The following NFIA variants were observed in gnomAD, a reference collection of about 807,000 sequenced individuals.
NFIA encodes nuclear factor I A.
A neutral mutation model predicts 62.8 loss-of-function variants in NFIA; 8 were observed. That is an observed-to-expected ratio of 0.13 (90% CI 0.07 to 0.23). The LOEUF is 0.23. Ranked by LOEUF, NFIA falls within the 10% of genes least tolerant of loss-of-function variation. The pLI is 1.00. For missense variants in NFIA, 410 were observed against 642.1 expected, an observed-to-expected ratio of 0.64 and a Z score of 3.91; for synonymous variants, 235 against 238.1, an observed-to-expected ratio of 0.99 and a Z score of 0.12.
At chr1:61,287,653 C>T (rs1202186161) in intron 3 of NFIA, among the ~76,000 whole-genome samples, 1 of 151,648 alleles carries the variant, frequency 6.6e-6, no homozygotes, top group Non-Finnish European at 1.5e-5. Flanking sequence ...AAGACTGTCC[C>T]CAACCCCCCC....
At chr1:61,172,273 G>C (rs334722) in intron 2 of NFIA, among the ~76,000 whole-genome samples, 130,509 of 152,210 alleles carry the variant, frequency 0.86, 56,497 homozygotes, top group Non-Finnish European at 0.92. Flanking sequence ...AGAAGCAGAG[G>C]ATGGTATCCC....
At position 61,457,011 on chromosome 1, in the gene NFIA, C is replaced by T. The variant is rs2100597778; in HGVS notation, c.*1691C>T. The T allele has an allele frequency of 6.6e-6, 1 of 152,202 alleles. No individual in the cohort carries two copies. Among genetic ancestry groups the T allele is most frequent in the Non-Finnish European group, 1.5e-5 (1 of 68,032 alleles). 9.4% of individuals were successfully genotyped at this position (152,202 alleles called of 1,614,324 possible). ...TCTCTGCATGTTCTAGTGTTAGTAA[C>T]TAATTTTTATATAGTTAATGTAGGA... On this transcript the variant is annotated 3_prime_UTR_variant, in exon 11 of 11. Coordinates refer to ENST00000403491, the MANE Select transcript of NFIA (RefSeq NM_001134673.4). This position sits in a 1 kb window ranked among gnomAD's most constrained non-coding sequence, Gnocchi z 4.2.
chr1:61,443,713 T>C (rs1039308558), intron 10 of NFIA, among the ~76,000 whole-genome samples: 11 of 152,346 alleles, frequency 7.2e-5, no homozygotes, highest in Non-Finnish European at 1.2e-4. Context: ...CTTGCTGTTA[T>C]AGATAAACTC....
At chr1:61,246,741 A>G (rs1030847972) in intron 2 of NFIA, among the ~76,000 whole-genome samples, 8 of 152,228 alleles carry the variant, frequency 5.3e-5, no homozygotes, top group Admixed American at 2.0e-4. Context: ...AATCAGAAGT[A>G]TAATCATTGT....
intron 2 of NFIA, among the ~76,000 whole-genome samples, chr1:61,228,711 G>A (rs1281294971): frequency 6.6e-6 from 1 of 151,916 alleles, no homozygotes; most frequent in African/African-American, 2.4e-5. Context: ...TGTACATGAA[G>A]GTTTTCGGTG....
chr1:61,305,843 ATT>A (rs754217285), intron 3 of NFIA, among the ~76,000 whole-genome samples: 4 of 123,750 alleles, frequency 3.2e-5, no homozygotes, highest in South Asian at 2.6e-4. Flanking sequence ...TCTTCTTTTG[ATT>A]TTTTTTTTTT....
At chr1:61,294,882 T>G (rs1659105340) in intron 3 of NFIA, among the ~76,000 whole-genome samples, 1 of 152,218 alleles carries the variant, frequency 6.6e-6, no homozygotes, top group African/African-American at 2.4e-5. Context: ...AGCATGTCAT[T>G]CCCAGTCTAT....
intron 4 of NFIA, among the ~76,000 whole-genome samples, chr1:61,350,770 C>T (rs1306928325): frequency 3.3e-5 from 5 of 152,250 alleles, no homozygotes; most frequent in Admixed American, 2.0e-4. Context: ...TTTCTGCTCT[C>T]TTGATGCTGT....
intron 10 of NFIA, among the ~76,000 whole-genome samples, chr1:61,454,828 G>A (rs1175266025): frequency 3.3e-5 from 5 of 152,168 alleles, no homozygotes; most frequent in Non-Finnish European, 5.9e-5. Context: ...CATTTGAAAG[G>A]AGATGTTGAA....
chr1:61,264,503 G>A (rs528842969), intron 2 of NFIA, among the ~76,000 whole-genome samples: 1 of 151,368 alleles, frequency 6.6e-6, no homozygotes, highest in South Asian at 2.1e-4. Context: ...AAAAGAAAAA[G>A]AGCTGGGCAT....
At position 61,104,244 on chromosome 1, in the gene NFIA, G is replaced by A. The variant is rs138058112; in HGVS notation, c.559+15564G>A. Among the ~76,000 whole-genome samples, 13 of 152,198 alleles carry A rather than the reference G, an allele frequency of 8.5e-5. No homozygotes were observed. In the East Asian group the frequency reaches 2.3e-3, roughly 27 times the overall value. On this transcript the variant is annotated intron_variant, in intron 2 of 10. Transcript: ENST00000403491. ...GTTTTGAATCACATAGTGTCTTGCT[G>A]TGCAGGAAAAGGGCCTGTCAGTCAT...
In NFIA at chr1:61,082,585, C is replaced by A. The variant is rs1343499394; in HGVS notation, c.-207C>A. ...CGGGGTTAAAGTTCAGCTCATGGAG[C>A]GGCAATAGCGCTGGCTGGCTGGCTG... On this transcript the variant is annotated 5_prime_UTR_variant, in exon 1 of 11. Transcript: ENST00000403491. 2.7e-6 allele frequency: 4 copies of A among 1,476,836 alleles called. No individual in the cohort carries two copies. Among genetic ancestry groups the A allele is most frequent in the Non-Finnish European group, 2.7e-6 (3 of 1,109,810 alleles). 91.5% of individuals were successfully genotyped at this position (1,476,836 alleles called of 1,614,324 possible). A position where few individuals can be genotyped will look rare whatever the true frequency, so the allele number is the denominator to read the frequency against.
At chr1:61,187,269 C>T (rs1651255687) in intron 2 of NFIA, among the ~76,000 whole-genome samples, 1 of 151,950 alleles carries the variant, frequency 6.6e-6, no homozygotes, top group Admixed American at 6.6e-5. Flanking sequence ...TGTGACCTGC[C>T]CGAGCCCCCC....
chr1:61,391,026 TATTTG>T (rs1426585658), intron 7 of NFIA, among the ~76,000 whole-genome samples: 3 of 150,000 alleles, frequency 2.0e-5, no homozygotes, highest in Non-Finnish European at 3.0e-5. Flanking sequence ...GCTCAGTATA[TATTTG>T]ATTTGTTTGT....
chr1:61,087,821 T>G (rs757112444), intron 1 of NFIA, among the ~76,000 whole-genome samples: 1 of 152,216 alleles, frequency 6.6e-6, no homozygotes, highest in South Asian at 2.1e-4. Flanking sequence ...TACATTGTTA[T>G]AAGCATTTAG....
chr1:61,246,391 G>A (rs1430058061), intron 2 of NFIA, among the ~76,000 whole-genome samples: 2 of 152,074 alleles, frequency 1.3e-5, no homozygotes, highest in African/African-American at 4.8e-5. Flanking sequence ...TAACCTTTAT[G>A]CCGTATACTT....
chr1:61,231,658 A>G (rs961434597), intron 2 of NFIA, among the ~76,000 whole-genome samples: 16 of 152,162 alleles, frequency 1.1e-4, no homozygotes, highest in African/African-American at 3.9e-4. Flanking sequence ...ATAACAGCCA[A>G]TTTAAGATTA....
intron 6 of NFIA, among the ~76,000 whole-genome samples, chr1:61,381,765 G>A (rs180884302): frequency 6.0e-4 from 91 of 152,262 alleles, no homozygotes; most frequent in African/African-American, 1.9e-3. Flanking sequence ...TGGACATAGA[G>A]GGGAACAAAG....
chr1:61,105,819 A>G (rs919091793), intron 2 of NFIA, among the ~76,000 whole-genome samples: 7 of 151,856 alleles, frequency 4.6e-5, no homozygotes, highest in African/African-American at 1.7e-4. Flanking sequence ...TTTGAAACAT[A>G]CTTTTTAAAA....
Sources: allele counts gnomAD v4.1 joint callset (sites outside exome capture counted in the v4.1 genomes callset), GRCh38; gene constraint gnomAD v4.1.1; non-coding constraint Gnocchi (gnomAD v3.1); transcripts MANE v1.5; gene names NCBI Gene and HGNC (gene_info 2026-07-23, HGNC 2026-07-21).